ASIC2: variants seen among roughly 807,000 people sequenced by gnomAD.
ASIC2 encodes the protein acid sensing ion channel subunit 2.
In ASIC2, 25 loss-of-function variants were observed where a neutral mutation model predicts 57.3. The observed-to-expected ratio is 0.44, with a 90% CI of 0.32 to 0.61. The LOEUF (loss-of-function observed/expected upper bound fraction) is 0.61. Among genes scored for constraint, ASIC2 ranks in the 20% least tolerant of loss-of-function variants. The pLI is 0.06. For missense variants in ASIC2, 641 were observed against 738.1 expected (o/e 0.87, Z 1.52); for synonymous variants, 319 against 307.5 (o/e 1.04, Z -0.39).
chr17:33,541,767 A>G (rs892833055), intron 1 of ASIC2, among the ~76,000 whole-genome samples: 1 of 152,128 alleles, frequency 6.6e-6, no homozygotes, highest in African/African-American at 2.4e-5. Flanking sequence ...CCACTTCTCA[A>G]GCACATCACT....
rs201934419 is a variant in ASIC2, at chr17:33,894,350, CGTGTGTGTGT to C, written c.555+261618_555+261627del. Among the ~76,000 whole-genome samples, 862 of 138,612 alleles carry C rather than the reference CGTGTGTGTGT, an allele frequency of 6.2e-3. 7 individuals are homozygous for C. The highest frequency in any genetic ancestry group is 9.2e-3 in the Non-Finnish European group (583 of 63,308). 90.9% of individuals were successfully genotyped at this position (138,612 alleles called of 152,430 possible). On this transcript the variant is annotated intron_variant, in intron 1 of 9. Transcript: ENST00000359872. ...CTCTGCGTGCGTGCGTGCGTGCGTG[CGTGTGTGTGT>C]GTGTGTGTGTGTGTGTGTGTGTGTT...
intron 3 of ASIC2, among the ~76,000 whole-genome samples, chr17:33,050,362 G>T (rs2091970494): frequency 6.6e-6 from 1 of 152,166 alleles, no homozygotes; most frequent in South Asian, 2.1e-4. Flanking sequence ...TCTGGATTGG[G>T]ATCAGTCAGC....
chr17:33,950,499 A>G (rs1370100818), intron 1 of ASIC2, among the ~76,000 whole-genome samples: 1 of 152,184 alleles, frequency 6.6e-6, no homozygotes, highest in Non-Finnish European at 1.5e-5. Flanking sequence ...AACCCAAACG[A>G]CGGATCCCCC....
intron 1 of ASIC2, among the ~76,000 whole-genome samples, chr17:33,120,253 C>A (rs981432496): frequency 1.3e-5 from 2 of 152,200 alleles, no homozygotes; most frequent in Non-Finnish European, 1.5e-5. Context: ...CTGGCAGAGA[C>A]CTTCTAGTCT....
intron 1 of ASIC2, among the ~76,000 whole-genome samples, chr17:33,520,086 G>A (rs192799663): frequency 1.3e-5 from 2 of 152,234 alleles, no homozygotes; most frequent in Admixed American, 6.5e-5. Context: ...ATTATGAGCA[G>A]AGGGTATCTT....
chr17:33,946,489 G>A (rs1801624930), intron 1 of ASIC2, among the ~76,000 whole-genome samples: 1 of 152,198 alleles, frequency 6.6e-6, no homozygotes, highest in South Asian at 2.1e-4. Context: ...CTTAGTCATT[G>A]GTTCATTTGT....
intron 1 of ASIC2, among the ~76,000 whole-genome samples, chr17:33,317,606 T>C (rs932168361): frequency 6.6e-5 from 10 of 152,166 alleles, no homozygotes; most frequent in Admixed American, 5.2e-4. Context: ...GACAGATGTT[T>C]TTCAAGGCCA....
At chr17:34,000,399 G>A (rs1048274073) in intron 1 of ASIC2, among the ~76,000 whole-genome samples, 8 of 151,962 alleles carry the variant, frequency 5.3e-5, no homozygotes, top group African/African-American at 1.9e-4. Context: ...TTACAGGCGT[G>A]TGCCACCCCA....
At chr17:34,122,938 A>C (rs140869761) in intron 1 of ASIC2, among the ~76,000 whole-genome samples, 1 of 152,342 alleles carries the variant, frequency 6.6e-6, no homozygotes, top group African/African-American at 2.4e-5. Flanking sequence ...TCAAGTAATA[A>C]AATATCCAAA....
intron 3 of ASIC2, among the ~76,000 whole-genome samples, chr17:33,049,683 T>C (rs1213261971): frequency 1.3e-5 from 2 of 152,226 alleles, no homozygotes; most frequent in Non-Finnish European, 2.9e-5. Context: ...TTACAAATGC[T>C]GTTGAGCCTC....
chr17:33,755,659 G>T (rs1296197723), intron 1 of ASIC2, among the ~76,000 whole-genome samples: 1 of 152,186 alleles, frequency 6.6e-6, no homozygotes, highest in Non-Finnish European at 1.5e-5. Flanking sequence ...TACTGAAAGG[G>T]AAATTAGTTC....
chr17:33,349,105 T>C (rs1426787711), intron 1 of ASIC2, among the ~76,000 whole-genome samples: 1 of 152,198 alleles, frequency 6.6e-6, no homozygotes, highest in African/African-American at 2.4e-5. Flanking sequence ...GACTGGAGAG[T>C]CTGTGGTCTG....
chr17:33,597,522 CT>C (rs950784043), intron 1 of ASIC2, among the ~76,000 whole-genome samples: 13 of 151,136 alleles, frequency 8.6e-5, no homozygotes, highest in Non-Finnish European at 1.0e-4. Flanking sequence ...TATGACTTAG[CT>C]TTTTTTTTCA....
chr17:33,308,544 G>C (rs76103061), intron 1 of ASIC2, among the ~76,000 whole-genome samples: 1 of 152,132 alleles, frequency 6.6e-6, no homozygotes, highest in African/African-American at 2.4e-5. Flanking sequence ...CCAAATTCTG[G>C]TTCTAGAGCC....
At chr17:33,883,561 C>A (rs918462309) in intron 1 of ASIC2, among the ~76,000 whole-genome samples, 1 of 152,170 alleles carries the variant, frequency 6.6e-6, no homozygotes, top group African/African-American at 2.4e-5. Context: ...AGCCACACTC[C>A]CACACAGATG....
intron 1 of ASIC2, among the ~76,000 whole-genome samples, chr17:33,693,718 AT>A (rs1226961267): frequency 6.6e-6 from 1 of 152,172 alleles, no homozygotes; most frequent in East Asian, 1.9e-4. Context: ...CTCACTTAGA[AT>A]CTGGGGCGTA....
At chr17:33,051,042 T>C (rs548270447) in intron 3 of ASIC2, among the ~76,000 whole-genome samples, 17 of 152,280 alleles carry the variant, frequency 1.1e-4, no homozygotes, top group African/African-American at 3.4e-4. Context: ...TGCACTACTA[T>C]CCTATAGTCC....
intron 1 of ASIC2, among the ~76,000 whole-genome samples, chr17:33,795,269 T>C (rs187965159): frequency 7.3e-4 from 111 of 152,392 alleles, no homozygotes; most frequent in African/African-American, 2.6e-3. Flanking sequence ...GACTGGTTGA[T>C]GCTAGGGTCC....
intron 2 of ASIC2, 135 bp from the exon 3 acceptor site, chr17:33,089,125 TC>T: frequency 8.4e-7 from 1 of 1,188,812 alleles, no homozygotes; most frequent in Non-Finnish European, 1.1e-6. Flanking sequence ...GGTGTCCACA[TC>T]CCCACCTCCA....
Sources: allele counts gnomAD v4.1 joint callset (sites outside exome capture counted in the v4.1 genomes callset), GRCh38; gene constraint gnomAD v4.1.1; transcripts MANE v1.5; gene names NCBI Gene and HGNC (gene_info 2026-07-23, HGNC 2026-07-21).